UPP2: variants seen among roughly 807,000 people sequenced by gnomAD.
UPP2 encodes the protein UPase 2.
A neutral mutation model predicts 26.7 loss-of-function variants in UPP2; 23 were observed. That is an observed-to-expected ratio of 0.86 (90% confidence interval 0.62 to 1.22). The LOEUF is 1.22. UPP2 is among the 50% of genes most tolerant of loss of function. UPP2 has a pLI of 0.00. For synonymous variants in UPP2, 127 were observed against 141.3 expected (o/e 0.90, Z 0.72); for missense variants, 387 against 396.7 (o/e 0.98, Z 0.21).
At chr2:158,015,057 G>GA (rs1683637473) in intron 2 of UPP2, among the ~76,000 whole-genome samples, 1 of 152,132 alleles carries the variant, frequency 6.6e-6, no homozygotes, top group African/African-American at 2.4e-5. Context: ...GATCATTAGA[G>GA]AAACTAACAG....
At chr2:158,074,879 G>C (rs1177465098) in intron 3 of UPP2, among the ~76,000 whole-genome samples, 1 of 150,676 alleles carries the variant, frequency 6.6e-6, no homozygotes, top group East Asian at 1.9e-4. Flanking sequence ...TACAAAAAAG[G>C]CACTTCACCT....
intron 3 of UPP2, among the ~76,000 whole-genome samples, chr2:158,078,825 AC>A (rs57742844): frequency 4.0e-4 from 61 of 152,132 alleles, no homozygotes; most frequent in African/African-American, 1.4e-3. Context: ...GGGGATGGAT[AC>A]CCCGTTTACC....
chr2:158,040,559 T>C (rs904620461), intron 3 of UPP2, among the ~76,000 whole-genome samples: 2 of 152,230 alleles, frequency 1.3e-5, no homozygotes, highest in African/African-American at 4.8e-5. Flanking sequence ...GTGGTACTTT[T>C]GGCAAATGGG....
At chr2:158,053,267 T>C (rs1047467754) in intron 3 of UPP2, among the ~76,000 whole-genome samples, 10 of 152,204 alleles carry the variant, frequency 6.6e-5, no homozygotes, top group African/African-American at 2.2e-4. Flanking sequence ...GGTTGGGTTT[T>C]ACATACTTTC....
chr2:158,040,297 A>C (rs1684066379), intron 3 of UPP2, among the ~76,000 whole-genome samples: 2 of 152,190 alleles, frequency 1.3e-5, no homozygotes, highest in African/African-American at 4.8e-5. Flanking sequence ...GGCCTCAGTT[A>C]TATTGTTTGT....
At position 158,073,392 on chromosome 2, in the gene UPP2, G is replaced by T. The variant is rs116273076; in HGVS notation, c.148-28648G>T. Among the ~76,000 whole-genome samples the T allele has an allele frequency of 3.2e-3, 488 of 152,166 alleles. 5 individuals carry two copies. Among genetic ancestry groups the T allele is most frequent in the African/African-American group, 0.011 (471 of 41,532 alleles). ...TAAGAGTATTGATCTTAAAGAGAAGGCAGAGAAAAAGATAGGAGTAGAAAG... is the reference window on the plus strand; with the variant it reads ...TAAGAGTATTGATCTTAAAGAGAAGTCAGAGAAAAAGATAGGAGTAGAAAG... On this transcript the variant is annotated intron_variant, in intron 3 of 9. Transcript: ENST00000605860.
intron 2 of UPP2, among the ~76,000 whole-genome samples, chr2:158,114,809 G>C (rs1241730634): frequency 6.6e-6 from 1 of 152,108 alleles, no homozygotes; most frequent in Non-Finnish European, 1.5e-5. Flanking sequence ...TTAAGATGCT[G>C]GTTGGTGTTC....
intron 3 of UPP2, among the ~76,000 whole-genome samples, chr2:158,019,215 G>T (rs1413700027): frequency 6.6e-6 from 1 of 152,112 alleles, no homozygotes; most frequent in Non-Finnish European, 1.5e-5. Flanking sequence ...CTAGAACTGG[G>T]GCTGATGGAA....
intron 3 of UPP2, among the ~76,000 whole-genome samples, chr2:158,096,242 G>A (rs776506013): frequency 6.6e-5 from 10 of 152,176 alleles, no homozygotes; most frequent in Non-Finnish European, 1.0e-4. Flanking sequence ...TGTAAGTAAA[G>A]TTCTTTTCAT....
chr2:158,072,670 A>T (rs901913432), intron 3 of UPP2, among the ~76,000 whole-genome samples: 1 of 147,902 alleles, frequency 6.8e-6, no homozygotes. Context: ...ACAGACAGAC[A>T]GACAGACTCC....
At chr2:158,134,126 A>T (rs1683881268) in intron 6 of UPP2, 1 of 152,220 alleles carries the variant, frequency 6.6e-6, no homozygotes, top group African/African-American at 2.4e-5. Context: ...TAGAAATCAA[A>T]TGCTAATACA....
intron 3 of UPP2, among the ~76,000 whole-genome samples, chr2:158,024,991 C>T (rs962021773): frequency 1.3e-5 from 2 of 152,040 alleles, no homozygotes; most frequent in Non-Finnish European, 2.9e-5. Flanking sequence ...CACCTGAGGT[C>T]AGGAGTTCAA....
intron 3 of UPP2, among the ~76,000 whole-genome samples, chr2:158,052,326 A>G (rs1682172462): frequency 6.6e-6 from 1 of 152,230 alleles, no homozygotes; most frequent in South Asian, 2.1e-4. Flanking sequence ...GACTTATTCT[A>G]TCAAATGAAG....
chr2:158,057,493 A>C (rs942632264), intron 3 of UPP2, among the ~76,000 whole-genome samples: 1 of 152,210 alleles, frequency 6.6e-6, no homozygotes, highest in Non-Finnish European at 1.5e-5. Context: ...TTATTCTAGC[A>C]TTGCCAGTGA....
intron 3 of UPP2, among the ~76,000 whole-genome samples, chr2:158,074,690 T>TACAC (rs56277459): frequency 0.052 from 6,986 of 135,394 alleles, 255 homozygotes; most frequent in African/African-American, 0.091. Flanking sequence ...AAGACCTTCA[T>TACAC]ACACACACAC....
intron 3 of UPP2, among the ~76,000 whole-genome samples, chr2:158,092,393 C>A (rs1164410466): frequency 6.6e-6 from 1 of 152,120 alleles, no homozygotes; most frequent in East Asian, 1.9e-4. Flanking sequence ...CAGATGAAAA[C>A]AAACTTTTCA....
chr2:158,131,175 G>T (rs1683811212), intron 6 of UPP2, among the ~76,000 whole-genome samples: 1 of 152,190 alleles, frequency 6.6e-6, no homozygotes, highest in East Asian at 1.9e-4. Context: ...GGGAGGGTAT[G>T]AACATAACCA....
intron 2 of UPP2, among the ~76,000 whole-genome samples, chr2:158,110,567 C>T (rs1683298089): frequency 6.6e-6 from 1 of 152,150 alleles, no homozygotes; most frequent in Non-Finnish European, 1.5e-5. Context: ...AGGACTAGTT[C>T]TAGATCCTTG....
intron 6 of UPP2, among the ~76,000 whole-genome samples, chr2:158,129,311 G>GTA (rs1405172077): frequency 1.3e-5 from 2 of 152,046 alleles, no homozygotes; most frequent in Non-Finnish European, 2.9e-5. Context: ...TAGCATCTCT[G>GTA]GTTAACGGTC....
Sources: gnomAD v4.1 joint callset for allele counts (sites outside exome capture counted in the v4.1 genomes callset) on GRCh38, gnomAD v4.1.1 for gene constraint, MANE v1.5 for transcripts, NCBI Gene and HGNC (gene_info 2026-07-23, HGNC 2026-07-21) for gene names.